PKHD1L1: variants seen among roughly 807,000 people sequenced by gnomAD.
The protein encoded by PKHD1L1 is PKHD1 like 1, also known as fibrocystin-L.
In PKHD1L1, 434 loss-of-function variants were observed where a neutral mutation model predicts 462.9. The observed-to-expected ratio is 0.94, with a 90% confidence interval of 0.87 to 1.02. PKHD1L1 has a LOEUF of 1.02. Ranked by LOEUF, PKHD1L1 falls within the 50% of genes least tolerant of loss-of-function variation. The probability of loss-of-function intolerance (pLI) is 0.00; values close to 1 mark genes in which losing one functional copy is unlikely to be tolerated. For missense variants in PKHD1L1, 5,202 were observed against 5,096.1 expected, an observed-to-expected ratio of 1.02 and a Z score of -0.63; for synonymous variants, 1,781 against 1,750.0, an observed-to-expected ratio of 1.02 and a Z score of -0.44.
chr8:109,463,624 G>C (rs959408586), intron 48 of PKHD1L1, among the ~76,000 whole-genome samples: 1 of 152,016 alleles, frequency 6.6e-6, no homozygotes. Context: ...TTAAATCATA[G>C]ACCATTTGAA....
chr8:109,418,714 C>CTGT (rs1331556782), intron 21 of PKHD1L1, among the ~76,000 whole-genome samples: 1 of 152,196 alleles, frequency 6.6e-6, no homozygotes, highest in East Asian at 1.9e-4. Context: ...ACTGAACTTA[C>CTGT]TGTTCTATGC....
In PKHD1L1 at chr8:109,464,613, G is replaced by A. The variant is rs186106457; in HGVS notation, c.7781G>A (p.Gly2594Glu). Residue 2594 changes from glycine (G) to glutamate (E), a missense_variant, in exon 49 of 78, where the codon GGG becomes GAG. Coordinates refer to ENST00000378402, the MANE Select transcript of PKHD1L1 (RefSeq NM_177531.6). ...FWYRMNNHPD[G>E]PSYDRNICQK... is the part of the protein sequence containing the mutation. Reference sequence around the variant, plus strand: ...TACCGGATGAACAACCACCCTGATGGGCCATCCTATGACAGAAACATTTGT... The same window carrying A: ...TACCGGATGAACAACCACCCTGATGAGCCATCCTATGACAGAAACATTTGT... The A allele has an allele frequency of 5.0e-6, 8 of 1,612,400 alleles. No homozygotes were observed. In the East Asian group the frequency reaches 1.6e-4, roughly 31 times the overall value.
In PKHD1L1 at chr8:109,400,085, G is replaced by A. The variant is rs1239581517; in HGVS notation, c.1022G>A (p.Gly341Asp). 6.2e-7 allele frequency: 1 copy of A among 1,611,568 alleles called. No individual in the cohort carries two copies. Among genetic ancestry groups the A allele is most frequent in the East Asian group, 2.2e-5 (1 of 44,856 alleles). The change falls in exon 13 of 78, where the codon GGC (glycine) becomes GAC (aspartate). Residue 341 changes from glycine to aspartate, a missense_variant. Around this residue, in one of 3 missense-constraint regions of PKHD1L1, gnomAD observed 4,497 missense variants for 4,336.8 expected, o/e 1.04. Coordinates refer to ENST00000378402, the MANE Select transcript of PKHD1L1 (RefSeq NM_177531.6). ...ILKTVYPGGR[G>D]LKLEVWNNSR... Reference sequence around the variant, plus strand: ...ATTTCATTACACTTAGGAGGGAGAGGCCTGAAGCTTGAGGTGTGGAATAAT... The same window carrying A: ...ATTTCATTACACTTAGGAGGGAGAGACCTGAAGCTTGAGGTGTGGAATAAT...
At chr8:109,511,345 T>G (rs1254212559) in intron 71 of PKHD1L1, among the ~76,000 whole-genome samples, 1 of 63,426 alleles carries the variant, frequency 1.6e-5, no homozygotes. Context: ...CCCTCCCCCC[T>G]CCCCCCACCC....
intron 76 of PKHD1L1, among the ~76,000 whole-genome samples, chr8:109,525,747 T>A (rs548582239): frequency 1.1e-4 from 17 of 152,278 alleles, no homozygotes; most frequent in African/African-American, 3.8e-4. Flanking sequence ...GCCACAAAAA[T>A]TCAGATTTTT....
At chr8:109,387,897 AG>A (rs779578280) in intron 6 of PKHD1L1, among the ~76,000 whole-genome samples, 1 of 152,188 alleles carries the variant, frequency 6.6e-6, no homozygotes, top group Non-Finnish European at 1.5e-5. Flanking sequence ...AGCCTCCAAT[AG>A]CATCAGGTAC....
intron 41 of PKHD1L1, 75 bp downstream of exon 41, chr8:109,451,224 C>G (rs1279709679): frequency 7.0e-7 from 1 of 1,437,214 alleles, no homozygotes; most frequent in African/African-American, 1.4e-5. Flanking sequence ...CTCCTATGCC[C>G]GGACAGTGCA....
In PKHD1L1 at chr8:109,405,029, C is replaced by A. The variant is rs867724223; in HGVS notation, c.1568C>A (p.Ala523Glu). The A allele has an allele frequency of 6.6e-7, 1 of 1,525,810 alleles. No homozygotes were observed. The highest frequency in any genetic ancestry group is 8.8e-7 in the Non-Finnish European group (1 of 1,130,168). The allele number at this position is 1,525,810 out of a possible 1,614,324, so 94.5% of individuals were successfully genotyped here. The change falls in exon 16 of 78, where the codon GCA (alanine) becomes GAA (glutamate). Residue 523 changes from alanine to glutamate, a missense_variant. Ala to Glu is a moderately radical substitution (Grantham distance 107, BLOSUM62 -1). Coordinates refer to ENST00000378402, the MANE Select transcript of PKHD1L1 (RefSeq NM_177531.6). ...ITLENWETTNAINEVQKIKVT... is the reference protein window; with the variant it reads ...ITLENWETTNEINEVQKIKVT... ...TTGGAAAACTGGGAAACAACTAATG[C>A]AATTAATGAGGTTCAGAAGATCAAG...
Position 109,485,129 on chromosome 8 carries a change from A to C in PKHD1L1, c.9662A>C (p.His3221Pro). 6.3e-7 allele frequency: 1 copy of C among 1,597,918 alleles called. No individual in the cohort carries two copies. The highest frequency in any genetic ancestry group is 8.5e-7 in the Non-Finnish European group (1 of 1,171,370). ...AGTATCGTTAAAATCCTGCATGATC[A>C]TAAAATTCTCATTCTTAATGATAGC... ...TRSIVKILHDHKILILNDSLS... is the reference protein window; with the variant it reads ...TRSIVKILHDPKILILNDSLS... Residue 3221 changes from histidine to proline, a missense_variant, in exon 58 of 78, where the codon CAT (histidine) becomes CCT (proline). Physicochemically the swap from His to Pro is moderately conservative, Grantham distance 77. This residue lies in a region of PKHD1L1 where 4,497 missense variants were observed against 4,336.8 expected (regional missense o/e 1.04). Transcript: ENST00000378402.
chr8:109,422,206 G>T (rs1459101249), intron 23 of PKHD1L1, among the ~76,000 whole-genome samples: 1 of 149,008 alleles, frequency 6.7e-6, no homozygotes, highest in Non-Finnish European at 1.5e-5. Flanking sequence ...ACCTTATTCA[G>T]ATTTTTCCAG....
rs766480817 is a variant in PKHD1L1 at position 109,364,527 on chromosome 8, T to C, written c.74-20T>C. On this transcript the variant is annotated intron_variant, in intron 1 of 77. Transcript: ENST00000378402. Reference sequence around the variant, plus strand: ...AGAACTTGGTGATTTTTACCTCTACTGTATTTTAATATTTTTCAGATGGCT... The same window carrying C: ...AGAACTTGGTGATTTTTACCTCTACCGTATTTTAATATTTTTCAGATGGCT... 1 of 1,504,804 alleles carries C rather than the reference T, an allele frequency of 6.6e-7. No homozygotes were observed. Among genetic ancestry groups the C allele is most frequent in the Non-Finnish European group, 9.1e-7 (1 of 1,094,074 alleles). The allele number at this position is 1,504,804 out of a possible 1,614,324, so 93.2% of individuals were successfully genotyped here.
At chr8:109,459,524 C>A in intron 46 of PKHD1L1, 71 bp from the exon 47 acceptor site, 1 of 1,239,240 alleles carries the variant, frequency 8.1e-7, no homozygotes, top group Non-Finnish European at 1.1e-6. Flanking sequence ...ATGAATAAAA[C>A]AAATATACCA....
Position 109,464,509 on chromosome 8 carries a change from G to C in PKHD1L1, c.7677G>C (p.Pro2559=). The C allele has an allele frequency of 6.2e-7, 1 of 1,613,702 alleles. No individual in the cohort carries two copies. The highest frequency in any genetic ancestry group is 2.2e-5 in the East Asian group (1 of 44,872). The change falls in exon 49 of 78, where the codon CCG becomes CCC. Residue 2559 remains proline (P), a synonymous_variant. Coordinates refer to ENST00000378402, the MANE Select transcript of PKHD1L1 (RefSeq NM_177531.6). ...STSLLNDDVT[P]AAFWVTNPNN... is the part of the protein sequence containing the mutation. ...GTCTTCTGAATGATGATGTGACCCC[G>C]GCTGCATTTTGGGTCACCAACCCGA...
Position 109,504,497 on chromosome 8 carries a change from A to T in PKHD1L1, c.10994+5A>T, listed in dbSNP as rs1819593998. 6.9e-7 allele frequency: 1 copy of T among 1,439,950 alleles called. No individual in the cohort carries two copies. Among genetic ancestry groups the T allele is most frequent in the Non-Finnish European group, 9.3e-7 (1 of 1,079,982 alleles). 89.2% of individuals were successfully genotyped at this position (1,439,950 alleles called of 1,614,324 possible). On this transcript the variant is annotated splice_donor_5th_base_variant and intron_variant, in intron 68 of 77. Coordinates refer to ENST00000378402, the MANE Select transcript of PKHD1L1 (RefSeq NM_177531.6). Reference sequence around the variant, plus strand: ...TATACATAGGCCTGATATAAGGTAAAATACATAAAAATTGTGGTTTTTCTA... The same window carrying T: ...TATACATAGGCCTGATATAAGGTAATATACATAAAAATTGTGGTTTTTCTA...
intron 37 of PKHD1L1, among the ~76,000 whole-genome samples, chr8:109,444,203 T>C (rs1165134141): frequency 6.6e-6 from 1 of 152,150 alleles, no homozygotes; most frequent in Non-Finnish European, 1.5e-5. Context: ...TAATCTACTT[T>C]CTGTCTATAG....
intron 39 of PKHD1L1, 43 bp downstream of exon 39, chr8:109,448,434 T>G (rs774057693): frequency 6.5e-7 from 1 of 1,535,458 alleles, no homozygotes; most frequent in Non-Finnish European, 8.8e-7. Context: ...TTTGTTTCAG[T>G]AAACACTTAT....
At chr8:109,429,818 A>G in intron 26 of PKHD1L1, 114 bp from the exon 27 acceptor site, 1 of 748,298 alleles carries the variant, frequency 1.3e-6, no homozygotes, top group South Asian at 1.7e-5. Context: ...AATATAGACT[A>G]ATTTCAGTAA....
chr8:109,447,240 CA>C (rs1436554624), intron 38 of PKHD1L1, among the ~76,000 whole-genome samples: 1 of 152,054 alleles, frequency 6.6e-6, no homozygotes, highest in Non-Finnish European at 1.5e-5. Context: ...AACAAACAAA[CA>C]AACAAACAAA....
Position 109,412,395 on chromosome 8 carries a change from T to C in PKHD1L1, c.2216T>C (p.Leu739Ser). The C allele has an allele frequency of 6.2e-7, 1 of 1,612,546 alleles. No individual in the cohort carries two copies. The highest frequency in any genetic ancestry group is 8.5e-7 in the Non-Finnish European group (1 of 1,179,150). ...KPNRRPYGDILLFPYNQLCLA... is the reference protein window; with the variant it reads ...KPNRRPYGDISLFPYNQLCLA... ...AACAGACGACCATATGGAGATATTT[T>C]ATTGTTTCCTTATAATCAGGTAAGC... is the stretch of plus-strand genomic sequence containing the variant. The change falls in exon 20 of 78, where the codon TTA (leucine) becomes TCA (serine). Residue 739 changes from leucine to serine, a missense_variant. This residue lies in a region of PKHD1L1 where 4,497 missense variants were observed against 4,336.8 expected (regional missense o/e 1.04). Transcript: ENST00000378402.
Sources: gnomAD v4.1 joint callset for allele counts (sites outside exome capture counted in the v4.1 genomes callset) on GRCh38, gnomAD v4.1.1 for gene constraint, gnomAD v4.1.1 regional missense constraint, MANE v1.5 for transcripts, NCBI Gene and HGNC (gene_info 2026-07-23, HGNC 2026-07-21) for gene names.